The following AGBL1 variants were observed in gnomAD, a reference collection of about 807,000 sequenced individuals.
AGBL1 encodes cytosolic carboxypeptidase 4.
Under a neutral mutation model 118.9 loss-of-function variants are expected in AGBL1, and 130 were observed. The ratio of observed to expected loss-of-function variants is 1.09; its 90% CI spans 0.95 to 1.26. AGBL1 has a LOEUF of 1.26. Among genes scored for constraint, AGBL1 ranks in the 50% most tolerant of loss-of-function variants. AGBL1 has a pLI of 0.00. For synonymous variants in AGBL1, 555 were observed against 478.9 expected (o/e 1.16, Z -2.08); for missense variants, 1,584 against 1,298.1 (o/e 1.22, Z -3.38).
chr15:87,008,487 C>T (rs747413845), intron 24 of AGBL1, among the ~76,000 whole-genome samples: 1 of 152,110 alleles, frequency 6.6e-6, no homozygotes, highest in Non-Finnish European at 1.5e-5. Context: ...TCTTTCCAGT[C>T]TCAGGGTATG....
intron 22 of AGBL1, among the ~76,000 whole-genome samples, chr15:86,735,816 T>C (rs535643188): frequency 1.3e-4 from 20 of 152,290 alleles, no homozygotes; most frequent in African/African-American, 4.8e-4. Context: ...TGGCCTGGCA[T>C]GTAGCAAGCG....
intron 5 of AGBL1, among the ~76,000 whole-genome samples, chr15:86,169,221 A>C (rs753418586): frequency 3.9e-5 from 6 of 152,228 alleles, no homozygotes; most frequent in Non-Finnish European, 7.3e-5. Flanking sequence ...TCCTAGAAAG[A>C]AAGCTGCACA....
intron 1 of AGBL1, among the ~76,000 whole-genome samples, chr15:86,126,356 T>A (rs1898430810): frequency 6.6e-6 from 1 of 152,216 alleles, no homozygotes; most frequent in Non-Finnish European, 1.5e-5. Context: ...AAGAACCTGG[T>A]ATAAAATTAT....
chr15:86,737,879 T>C (rs1250314861), intron 22 of AGBL1, among the ~76,000 whole-genome samples: 3 of 152,072 alleles, frequency 2.0e-5, no homozygotes, highest in South Asian at 2.1e-4. Flanking sequence ...TAAACATAGA[T>C]GCAAAAATCC....
At position 86,860,405 on chromosome 15, in the gene AGBL1, A is replaced by AAT. The variant is rs200245772; in HGVS notation, c.3159-46671_3159-46670dup. ...TTTGCTTTTTCTCTTTTTCTCCTGGAATATATATATATCTCTTTATATATA... is the reference window on the plus strand; with the variant it reads ...TTTGCTTTTTCTCTTTTTCTCCTGGAATATATATATATATCTCTTTATATATA... On this transcript the variant is annotated intron_variant, in intron 22 of 22. Coordinates refer to ENST00000614907, the MANE Select transcript of AGBL1 (RefSeq NM_001386094.1). Among the ~76,000 whole-genome samples the AAT allele has an allele frequency of 9.6e-3, 1,449 of 150,622 alleles. 8 individuals are homozygous for AAT. Among genetic ancestry groups the AAT allele is most frequent in the South Asian group, 0.015 (71 of 4,766 alleles).
At chr15:86,533,550 G>T (rs1334143522) in intron 19 of AGBL1, among the ~76,000 whole-genome samples, 1 of 130,946 alleles carries the variant, frequency 7.6e-6, no homozygotes, top group East Asian at 2.4e-4. Flanking sequence ...GGAAGTCAGT[G>T]TGGCGATTCC....
intron 19 of AGBL1, among the ~76,000 whole-genome samples, chr15:86,524,978 A>G (rs2083243707): frequency 6.6e-6 from 1 of 152,178 alleles, no homozygotes; most frequent in Non-Finnish European, 1.5e-5. Context: ...TTTGCTAATG[A>G]TATGATCATA....
chr15:86,797,786 A>T (rs2078593454), intron 22 of AGBL1, among the ~76,000 whole-genome samples: 1 of 152,156 alleles, frequency 6.6e-6, no homozygotes, highest in African/African-American at 2.4e-5. Context: ...AAAGGGAAGG[A>T]CTTGGAAGAA....
chr15:86,490,493 A>C lies in AGBL1; in HGVS notation c.2556-32317A>C, dbSNP rs1191447596. Among the ~76,000 whole-genome samples the C allele has an allele frequency of 3.1e-4, 47 of 152,046 alleles. 1 individual carries two copies. The highest frequency in any genetic ancestry group is 3.0e-3 in the Admixed American group (46 of 15,254). ...TGAGATATCTGGTTAGTTGTGGGGAAATTTTTGCTTTTGGATGCTTATTTA... is the reference window on the plus strand; with the variant it reads ...TGAGATATCTGGTTAGTTGTGGGGACATTTTTGCTTTTGGATGCTTATTTA... On this transcript the variant is annotated intron_variant, in intron 18 of 22. Coordinates refer to ENST00000614907, the MANE Select transcript of AGBL1 (RefSeq NM_001386094.1).
Position 86,176,617 on chromosome 15 carries a change from A to T in AGBL1, c.488+17591A>T, listed in dbSNP as rs569719538. 1.5e-3 allele frequency among the ~76,000 whole-genome samples: 230 copies of T among 152,290 alleles called. 1 individual carries two copies. The highest frequency in any genetic ancestry group is 5.4e-3 in the African/African-American group (225 of 41,562). On this transcript the variant is annotated intron_variant, in intron 5 of 22. Transcript: ENST00000614907. ...GCCTACTTGGTGGACATGAGGAAAT[A>T]TCAGTGGGGCTCCATGGATGTGGAA...
chr15:87,003,974 G>A (rs746078328), intron 24 of AGBL1, among the ~76,000 whole-genome samples: 10 of 151,924 alleles, frequency 6.6e-5, no homozygotes, highest in Non-Finnish European at 1.2e-4. Flanking sequence ...CTTCAGTTCT[G>A]CTCTGATCTT....
At chr15:86,758,966 C>CAAAAAAA (rs80297816) in intron 22 of AGBL1, among the ~76,000 whole-genome samples, 1 of 80,906 alleles carries the variant, frequency 1.2e-5, no homozygotes, top group Non-Finnish European at 2.5e-5. Flanking sequence ...GACACCCTGT[C>CAAAAAAA]AAAAAAAAAA....
intron 22 of AGBL1, among the ~76,000 whole-genome samples, chr15:86,723,399 G>T (rs566793135): frequency 1.3e-5 from 2 of 152,058 alleles, no homozygotes; most frequent in African/African-American, 4.8e-5. Context: ...GCAAACTGTC[G>T]CAAGGACAAA....
chr15:86,967,453 GT>G (rs2081066365), intron 23 of AGBL1, among the ~76,000 whole-genome samples: 1 of 152,028 alleles, frequency 6.6e-6, no homozygotes, highest in African/African-American at 2.4e-5. Context: ...GGTTTTTATG[GT>G]TTTAGGTCTA....
chr15:86,665,239 C>T (rs1235363835), intron 21 of AGBL1, among the ~76,000 whole-genome samples: 1 of 152,134 alleles, frequency 6.6e-6, no homozygotes, highest in Admixed American at 6.6e-5. Context: ...CTCTGTTGCT[C>T]ATTTTACGAT....
intron 17 of AGBL1, among the ~76,000 whole-genome samples, chr15:86,328,334 G>T (rs1486238864): frequency 1.3e-5 from 2 of 152,106 alleles, no homozygotes; most frequent in Non-Finnish European, 2.9e-5. Context: ...GATACAGAAA[G>T]TATGGTAAAA....
chr15:86,459,011 A>T (rs17617306), intron 18 of AGBL1, among the ~76,000 whole-genome samples: 62,371 of 151,996 alleles, frequency 0.41, 13,389 homozygotes, highest in Non-Finnish European at 0.47. Flanking sequence ...GTAAAATCTC[A>T]TACATATCCT....
chr15:86,944,677 C>G lies in AGBL1; in HGVS notation c.3222-43310C>G, dbSNP rs892313. On this transcript the variant is annotated intron_variant, in intron 23 of 24. Coordinates refer to the AGBL1 transcript ENST00000441037. ...ATAAGTAATCTGCATATTTTTAATG[C>G]CTTCATTCATGAAATCTGCAAATTT... Among the ~76,000 whole-genome samples the G allele has an allele frequency of 4.2e-4, 64 of 152,228 alleles. 1 individual carries two copies. Among genetic ancestry groups the G allele is most frequent in the Middle Eastern group, 3.4e-3 (1 of 294 alleles).
chr15:86,196,868 T>TGTGCGC (rs1555446438), intron 5 of AGBL1, among the ~76,000 whole-genome samples: 1 of 95,718 alleles, frequency 1.0e-5, no homozygotes, highest in African/African-American at 4.6e-5. Context: ...TGTGCACATG[T>TGTGCGC]GCGCGCGCGC....
Sources: allele counts gnomAD v4.1 joint callset (sites outside exome capture counted in the v4.1 genomes callset), GRCh38; gene constraint gnomAD v4.1.1; transcripts MANE v1.5; gene names NCBI Gene and HGNC (gene_info 2026-07-23, HGNC 2026-07-21).